MYH15: variants seen among roughly 807,000 people sequenced by gnomAD.
MYH15 encodes myosin heavy chain 15, also known as myosin-15.
A neutral mutation model predicts 240.5 loss-of-function variants in MYH15; 227 were observed. That is an observed-to-expected ratio of 0.94 (90% CI 0.85 to 1.05). The LOEUF is 1.05. MYH15 is among the 50% of genes least tolerant of loss of function. The probability of loss-of-function intolerance (pLI) is 0.00; values close to 1 mark genes in which losing one functional copy is unlikely to be tolerated. For missense variants in MYH15, 2,217 were observed against 2,247.5 expected (o/e 0.99, Z 0.27); for synonymous variants, 785 against 796.7 (o/e 0.99, Z 0.25).
intron 12 of MYH15, among the ~76,000 whole-genome samples, chr3:108,476,144 TTGTCTGCATC>T (rs772538347): frequency 6.6e-5 from 10 of 152,202 alleles, no homozygotes; most frequent in Non-Finnish European, 1.5e-4. Context: ...AGTGGAGGGT[TTGTCTGCATC>T]TGCAAAGATA....
At chr3:108,456,650 C>T (rs80281830) in intron 19 of MYH15, 116 bp downstream of exon 19, 4 of 711,720 alleles carry the variant, frequency 5.6e-6, no homozygotes, top group Admixed American at 2.2e-5. Flanking sequence ...CAAAACACAT[C>T]GATTTGTAGT....
chr3:108,541,339 C>A, the MYH15 span, among the ~76,000 whole-genome samples: 1 of 151,544 alleles, frequency 6.6e-6, no homozygotes, highest in African/African-American at 2.4e-5. Context: ...ATAAAAAATT[C>A]TTCACAGAAA....
At chr3:108,473,295 C>T (rs879684881) in intron 12 of MYH15, among the ~76,000 whole-genome samples, 18 of 152,226 alleles carry the variant, frequency 1.2e-4, no homozygotes, top group Admixed American at 2.6e-4. Context: ...GGGCGTGAGC[C>T]ACCGTGCCCA....
At position 108,430,689 on chromosome 3, in the gene MYH15, C is replaced by T. The variant is rs1373583285; in HGVS notation, c.3312+143G>A. 17 of 526,648 alleles carry T rather than the reference C, an allele frequency of 3.2e-5. No homozygotes were observed. In the Admixed American group the frequency reaches 3.6e-4, roughly 11 times the overall value. 32.6% of individuals were successfully genotyped at this position (526,648 alleles called of 1,614,324 possible). A position where few individuals can be genotyped will look rare whatever the true frequency, so the allele number is the denominator to read the frequency against. ...TCTATCTGTGGAATGCCACAGTTTC[C>T]CTTCTTAACCACTGTTCTTTTCTGC... On this transcript the variant is annotated intron_variant, in intron 26 of 40. Coordinates refer to ENST00000693548, the MANE Select transcript of MYH15 (RefSeq NM_014981.3).
At chr3:108,399,596 G>A (rs1326407833) in intron 33 of MYH15, among the ~76,000 whole-genome samples, 1 of 152,186 alleles carries the variant, frequency 6.6e-6, no homozygotes, top group Non-Finnish European at 1.5e-5. Flanking sequence ...CCTAGGGCAA[G>A]CACCTGGGTT....
rs189008689 is a variant in MYH15, at chr3:108,501,766, A to G, written c.285T>C (p.Asn95=). ...IEDMAMLTHL[N]EASVLHTLKR... ...TCAGGGTATGCAGCACGGATGCCTC[A>G]TTGAGGTGAGTCAGCATTGCCATGT... The change falls in exon 3 of 41, where the codon AAT becomes AAC. Residue 95 remains asparagine (N), a synonymous_variant. Transcript: ENST00000693548. 110 of 1,613,980 alleles carry G rather than the reference A, an allele frequency of 6.8e-5. No individual in the cohort carries two copies. Among genetic ancestry groups the G allele is most frequent in the Admixed American group, 3.3e-5 (2 of 60,004 alleles).
At chr3:108,427,187 C>A (rs961294121) in intron 27 of MYH15, among the ~76,000 whole-genome samples, 6 of 152,142 alleles carry the variant, frequency 3.9e-5, no homozygotes. Context: ...GTCTTTGGAA[C>A]CTATTGAGGT....
chr3:108,435,837 T>C (rs201750592), intron 25 of MYH15, among the ~76,000 whole-genome samples: 3 of 147,350 alleles, frequency 2.0e-5, no homozygotes, highest in East Asian at 4.0e-4. Flanking sequence ...TGTATATGTA[T>C]ACACACACAC....
chr3:108,424,771 G>A (rs1441630439), intron 27 of MYH15, among the ~76,000 whole-genome samples: 1 of 152,180 alleles, frequency 6.6e-6, no homozygotes, highest in Non-Finnish European at 1.5e-5. Context: ...TTAGCCTAAT[G>A]TATATGCCTA....
At position 108,464,657 on chromosome 3, in the gene MYH15, A is replaced by G. The variant is rs1477451563; in HGVS notation, c.1712T>C (p.Leu571Pro). The G allele has an allele frequency of 4.3e-6, 7 of 1,612,720 alleles. No individual in the cohort carries two copies. In the South Asian group the frequency reaches 7.7e-5, roughly 18 times the overall value. The change falls in exon 15 of 41, where the codon CTT becomes CCT. Residue 571 changes from leucine (L) to proline (P), a missense_variant. Physicochemically the swap from Leu to Pro is moderately conservative, Grantham distance 98. Coordinates refer to ENST00000693548, the MANE Select transcript of MYH15 (RefSeq NM_014981.3). ...DKKKFEAHFE[L>P]VHYAGVVPYN... ...ACTCACCACTCCTGCATAATGGACA[A>G]GTTCAAAATGAGCTTCAAATTTCTT... is the stretch of plus-strand genomic sequence containing the variant.
chr3:108,501,850 C>G lies in MYH15; in HGVS notation c.201G>C (p.Leu67=), dbSNP rs763429445. The G allele has an allele frequency of 5.0e-6, 8 of 1,613,680 alleles. No individual in the cohort carries two copies. Among genetic ancestry groups the G allele is most frequent in the African/African-American group, 1.3e-5 (1 of 74,876 alleles). ...GCTGGATTTTGTCCTCCTTTATGCTCAGACTCTGCAGAGAGAAGAAAAATA... is the reference window on the plus strand; with the variant it reads ...GCTGGATTTTGTCCTCCTTTATGCTGAGACTCTGCAGAGAGAAGAAAAATA... ...VIVETADGES[L]SIKEDKIQQM... The change falls in exon 3 of 41, where the codon CTG becomes CTC. Residue 67 remains leucine, a synonymous_variant. Transcript: ENST00000693548.
intron 21 of MYH15, among the ~76,000 whole-genome samples, chr3:108,451,221 A>T (rs1323720055): frequency 6.6e-6 from 1 of 152,108 alleles, no homozygotes; most frequent in African/African-American, 2.4e-5. Flanking sequence ...CTCTACTAAA[A>T]ATATAACATT....
At chr3:108,516,175 G>T (rs577384889) in intron 1 of MYH15, among the ~76,000 whole-genome samples, 5 of 152,170 alleles carry the variant, frequency 3.3e-5, no homozygotes, top group African/African-American at 1.2e-4. Flanking sequence ...TTTTTAAGTC[G>T]GTTTCATCAT....
At chr3:108,455,047 T>G (rs1272931023) in intron 20 of MYH15, among the ~76,000 whole-genome samples, 1 of 152,208 alleles carries the variant, frequency 6.6e-6, no homozygotes. Context: ...AGTCAACATT[T>G]TATAACCATA....
intron 11 of MYH15, among the ~76,000 whole-genome samples, chr3:108,481,723 C>A (rs1398725790): frequency 6.6e-6 from 1 of 152,090 alleles, no homozygotes; most frequent in Non-Finnish European, 1.5e-5. Context: ...TGATAGATTT[C>A]GCTACTAACG....
chr3:108,502,185 C>T (rs2083443944), intron 2 of MYH15, among the ~76,000 whole-genome samples: 1 of 152,134 alleles, frequency 6.6e-6, no homozygotes, highest in East Asian at 1.9e-4. Context: ...CCCCTAACTC[C>T]CAGCCCTTGA....
At chr3:108,416,589 A>G (rs922020109) in intron 29 of MYH15, among the ~76,000 whole-genome samples, 3 of 152,188 alleles carry the variant, frequency 2.0e-5, no homozygotes, top group African/African-American at 7.2e-5. Flanking sequence ...CAAGATGGGA[A>G]CACACACTTT....
At chr3:108,385,990 G>T (rs2082381397) in intron 38 of MYH15, among the ~76,000 whole-genome samples, 2 of 152,204 alleles carry the variant, frequency 1.3e-5, no homozygotes, top group African/African-American at 2.4e-5. Context: ...AGGCAGGGAT[G>T]AATATATATG....
intron 35 of MYH15, among the ~76,000 whole-genome samples, chr3:108,397,664 G>C (rs1024783987): frequency 6.6e-6 from 1 of 152,134 alleles, no homozygotes; most frequent in East Asian, 1.9e-4. Flanking sequence ...CTGATTCTAG[G>C]ATAAGGAGAA....
Sources: gnomAD v4.1 joint callset for allele counts (sites outside exome capture counted in the v4.1 genomes callset) on GRCh38, gnomAD v4.1.1 for gene constraint, MANE v1.5 for transcripts, NCBI Gene and HGNC (gene_info 2026-07-23, HGNC 2026-07-21) for gene names.